The following CELF5 variants were observed in gnomAD, a reference collection of about 807,000 sequenced individuals.
CELF5 encodes CUG-BP and ETR-3 like factor 5.
In CELF5, 6 loss-of-function variants were observed where a neutral mutation model predicts 54.9. The ratio of observed to expected loss-of-function variants is 0.11; its 90% confidence interval spans 0.06 to 0.22. CELF5 has a LOEUF of 0.22. Ranked by LOEUF, CELF5 falls within the 10% of genes least tolerant of loss-of-function variation. The pLI is 1.00. For synonymous variants in CELF5, 271 were observed against 290.9 expected, an observed-to-expected ratio of 0.93 and a Z score of 0.70; for missense variants, 401 against 678.6, an observed-to-expected ratio of 0.59 and a Z score of 4.54.
intron 1 of CELF5, among the ~76,000 whole-genome samples, chr19:3,241,248 TTTTTTTGTA>T (rs1261844737): frequency 1.3e-5 from 2 of 150,526 alleles, no homozygotes; most frequent in African/African-American, 4.9e-5. Context: ...GCTAATTTTT[TTTTTTTGTA>T]TTTTTACTAG....
intron 11 of CELF5, among the ~76,000 whole-genome samples, chr19:3,292,339 A>G (rs941589944): frequency 6.8e-6 from 1 of 147,508 alleles, no homozygotes; most frequent in East Asian, 2.0e-4. Context: ...GTCTTGTGCC[A>G]TCAGTGCGAT....
At position 3,275,774 on chromosome 19, in the gene CELF5, C is replaced by T. The variant is rs2080038434; in HGVS notation, c.395-82C>T. On this transcript the variant is annotated intron_variant, in intron 3 of 12. Coordinates refer to ENST00000292672, the MANE Select transcript of CELF5 (RefSeq NM_021938.4). The surrounding 1 kb of genome is among the most constrained non-coding windows in gnomAD (Gnocchi z 6.7). ...CCGCGTCTTCCTGCCCTGCCGCCTC[C>T]ACTCTGCTGGAGGGAGGGAGGAATC... The T allele has an allele frequency of 6.8e-7, 1 of 1,460,318 alleles. No homozygotes were observed. Among genetic ancestry groups the T allele is most frequent in the African/African-American group, 1.4e-5 (1 of 71,178 alleles). 90.5% of individuals were successfully genotyped at this position (1,460,318 alleles called of 1,614,324 possible).
intron 1 of CELF5, among the ~76,000 whole-genome samples, chr19:3,241,085 C>T (rs370279292): frequency 1.4e-4 from 20 of 139,988 alleles, no homozygotes; most frequent in Non-Finnish European, 2.8e-4. Context: ...TTTTTTGAGG[C>T]GGAGTCTTGC....
At chr19:3,244,634 GGTGT>G (rs753133751) in intron 1 of CELF5, among the ~76,000 whole-genome samples, 29 of 149,772 alleles carry the variant, frequency 1.9e-4, no homozygotes, top group Non-Finnish European at 1.2e-4. Context: ...GTGCGTGTGT[GGTGT>G]GTGTATGTAT....
At chr19:3,280,978 G>A (rs1472554289) in intron 5 of CELF5, among the ~76,000 whole-genome samples, 2 of 152,198 alleles carry the variant, frequency 1.3e-5, no homozygotes, top group Non-Finnish European at 2.9e-5. Flanking sequence ...TCCTAGGCCT[G>A]GGCGCTGCAC....
At chr19:3,235,494 ATGGG>A (rs1917499378) in intron 1 of CELF5, among the ~76,000 whole-genome samples, 1 of 8,148 alleles carries the variant, frequency 1.2e-4, no homozygotes, top group Non-Finnish European at 2.7e-4. Context: ...GCGAGGATAG[ATGGG>A]TGGGTGGGTG....
chr19:3,225,055 C>A (rs1916812268), intron 1 of CELF5, 57 bp downstream of exon 1: 1 of 1,189,502 alleles, frequency 8.4e-7, no homozygotes. Flanking sequence ...ACCCCACCTT[C>A]CGGCATCTTC....
chr19:3,265,093 T>G (rs754392367), intron 2 of CELF5, among the ~76,000 whole-genome samples: 4 of 152,056 alleles, frequency 2.6e-5, no homozygotes, highest in African/African-American at 7.2e-5. Context: ...TCCCGGTGCT[T>G]TGGGAGGCCA....
At chr19:3,276,918 T>C (rs2080065774) in intron 4 of CELF5, among the ~76,000 whole-genome samples, 1 of 152,062 alleles carries the variant, frequency 6.6e-6, no homozygotes, top group Non-Finnish European at 1.5e-5. Context: ...GAGTTACCTG[T>C]GCCCTGTGGT....
At chr19:3,242,988 TAA>T in intron 1 of CELF5, among the ~76,000 whole-genome samples, 3 of 145,060 alleles carry the variant, frequency 2.1e-5, no homozygotes, top group African/African-American at 7.6e-5. Flanking sequence ...ATAATAATAA[TAA>T]AGCCTGGACA....
chr19:3,266,821 AC>A (rs61454765), intron 2 of CELF5, among the ~76,000 whole-genome samples: 3 of 151,008 alleles, frequency 2.0e-5, no homozygotes, highest in Admixed American at 2.0e-4. Context: ...GGGGAGGAAG[AC>A]CCCCCGGCCT....
Position 3,227,917 on chromosome 19 carries a change from C to G in CELF5, c.259+2919C>G, listed in dbSNP as rs563037959. 3.9e-5 allele frequency among the ~76,000 whole-genome samples: 6 copies of G among 152,190 alleles called. No homozygotes were observed. The East Asian group carries it at 1.2e-3, about 29-fold the overall frequency. On this transcript the variant is annotated intron_variant, in intron 1 of 12. Coordinates refer to ENST00000292672, the MANE Select transcript of CELF5 (RefSeq NM_021938.4). The stretch of plus-strand genomic sequence containing the variant: ...AGATGGTGCTGGGGATGGAGGGGCC[C>G]GTGACACCTGACAGCCACAGCTGGC...
chr19:3,282,355 T>A lies in CELF5; in HGVS notation c.896T>A (p.Leu299Gln). 6.2e-7 allele frequency: 1 copy of A among 1,609,376 alleles called. No homozygotes were observed. Among genetic ancestry groups the A allele is most frequent in the Non-Finnish European group, 8.5e-7 (1 of 1,179,966 alleles). ...PATPIAPASG[L>Q]HSPPLLGTTA... ...ATGACCCTCTTCCGCTCTGCAGGGC[T>A]GCACTCACCCCCGCTGCTGGGCACC... is the stretch of plus-strand genomic sequence containing the variant. Residue 299 changes from leucine to glutamine, a missense_variant, in exon 8 of 13, where the codon CTG becomes CAG. This residue lies in a region of CELF5 where 143 missense variants were observed against 147.6 expected (regional missense o/e 0.97). Transcript: ENST00000292672. The surrounding 1 kb of genome is among the most constrained non-coding windows in gnomAD (Gnocchi z 5.2).
In CELF5 at chr19:3,293,466, G is replaced by A. The variant is rs746500749; in HGVS notation, c.*20G>A. 9.9e-6 allele frequency: 16 copies of A among 1,613,198 alleles called. No homozygotes were observed. The highest frequency in any genetic ancestry group is 1.4e-5 in the Non-Finnish European group (16 of 1,179,528). ...TACTGACCGCGCCCACAGCCGCCCT[G>A]AGGCTGTAGGCATGGCCCAGGTGAG... On this transcript the variant is annotated 3_prime_UTR_variant, in exon 12 of 13. Transcript: ENST00000292672.
At chr19:3,248,795 CTG>C (rs1599411240) in intron 1 of CELF5, among the ~76,000 whole-genome samples, 1 of 152,196 alleles carries the variant, frequency 6.6e-6, no homozygotes, top group Non-Finnish European at 1.5e-5. Flanking sequence ...AACTGTCAAA[CTG>C]TTTTCTGCAG....
chr19:3,287,171 A>G (rs186917942), intron 10 of CELF5, among the ~76,000 whole-genome samples: 2 of 152,180 alleles, frequency 1.3e-5, no homozygotes, highest in African/African-American at 2.4e-5. Flanking sequence ...GTGAAAAAGG[A>G]TAAGTAGCCA....
chr19:3,268,248 C>A lies in CELF5; in HGVS notation c.343-5624C>A, dbSNP rs911971601. Among the ~76,000 whole-genome samples, 1 of 152,130 alleles carries A rather than the reference C, an allele frequency of 6.6e-6. No homozygotes were observed. Among genetic ancestry groups the A allele is most frequent in the Non-Finnish European group, 1.5e-5 (1 of 68,026 alleles). ...TCCTGACCTCAGGTGATCCGCCCGC[C>A]TCAGCCTCCCAAAGTGCTAAAGTGC... On this transcript the variant is annotated intron_variant, in intron 2 of 12. Transcript: ENST00000292672. This position sits in a 1 kb window ranked among gnomAD's most constrained non-coding sequence, Gnocchi z 4.4.
Position 3,288,985 on chromosome 19 carries a change from G to A in CELF5, c.1187-1246G>A, listed in dbSNP as rs2080297821. Among the ~76,000 whole-genome samples, 3 of 152,166 alleles carry A rather than the reference G, an allele frequency of 2.0e-5. No homozygotes were observed. In the East Asian group the frequency reaches 5.8e-4, roughly 29 times the overall value. On this transcript the variant is annotated intron_variant, in intron 10 of 12. Coordinates refer to ENST00000292672, the MANE Select transcript of CELF5 (RefSeq NM_021938.4). Reference sequence around the variant, plus strand: ...GGCTTCAGATGAACAAGGTTTTAAAGGCTATTGTTATTTATAGTTTTTATA... The same window carrying A: ...GGCTTCAGATGAACAAGGTTTTAAAAGCTATTGTTATTTATAGTTTTTATA...
chr19:3,278,569 TGA>T lies in CELF5; in HGVS notation c.603+463_603+464del, dbSNP rs1461063559. On this transcript the variant is annotated intron_variant, in intron 5 of 12. Coordinates refer to ENST00000292672, the MANE Select transcript of CELF5 (RefSeq NM_021938.4). The surrounding 1 kb of genome is among the most constrained non-coding windows in gnomAD (Gnocchi z 4.5). The stretch of plus-strand genomic sequence containing the variant: ...AGAGATACTAGTGCGTGTGCGTGTA[TGA>T]GAGTGTACATGTGTGTTTCTATGTG... Among the ~76,000 whole-genome samples, 9 of 152,002 alleles carry T rather than the reference TGA, an allele frequency of 5.9e-5. No individual in the cohort carries two copies. The highest frequency in any genetic ancestry group is 5.8e-4 in the East Asian group (3 of 5,168).
Sources: gnomAD v4.1 joint callset for allele counts (sites outside exome capture counted in the v4.1 genomes callset) on GRCh38, gnomAD v4.1.1 for gene constraint, gnomAD v4.1.1 regional missense constraint, Gnocchi (gnomAD v3.1) non-coding constraint, MANE v1.5 for transcripts, NCBI Gene and HGNC (gene_info 2026-07-23, HGNC 2026-07-21) for gene names.